The following CDHR5 variants were observed in gnomAD, a reference collection of about 807,000 sequenced individuals.
The protein encoded by CDHR5 is cadherin-related family member 5.
In CDHR5, 82 loss-of-function variants were observed where a neutral mutation model predicts 69.5. The observed-to-expected ratio is 1.18, with a 90% CI of 0.99 to 1.42. The LOEUF is 1.42. CDHR5 is among the 40% of genes most tolerant of loss of function. The probability of loss-of-function intolerance (pLI) is 0.00; values close to 1 mark genes in which losing one functional copy is unlikely to be tolerated. For synonymous variants in CDHR5, 601 were observed against 510.2 expected, an observed-to-expected ratio of 1.18 and a Z score of -2.40; for missense variants, 1,293 against 1,168.9, an observed-to-expected ratio of 1.11 and a Z score of -1.55.
At position 617,763 on chromosome 11, in the gene CDHR5, TG is replaced by T; in HGVS notation, c.2125del (p.Gln709SerfsTer66). 1 of 1,454,566 alleles carries T rather than the reference TG, an allele frequency of 6.9e-7. No individual in the cohort carries two copies. Among genetic ancestry groups the T allele is most frequent in the Admixed American group, 2.7e-5 (1 of 36,656 alleles). The allele number at this position is 1,454,566 out of a possible 1,614,324, so 90.1% of individuals were successfully genotyped here. On this transcript the variant is annotated frameshift_variant, in exon 15 of 15. Transcript: ENST00000397542. LOFTEE classifies it low-confidence loss of function (END_TRUNC). ...CGCCTGGTTGTCAAAGCCTTGGGGC[TG>T]GGGCTCCTGCAGGCGGGAGTCGAGG... The part of the protein sequence containing the change: ...KCCCGKAPEP[Q>X]PQGFDNQAFL...
chr11:619,845 G>A lies in CDHR5; in HGVS notation c.1015C>T (p.Gln339Ter). The change falls in exon 10 of 15, where the codon CAG (glutamine) becomes TAG (stop). Residue 339 changes from glutamine to a stop codon, truncating the protein, a stop_gained. Coordinates refer to ENST00000397542, the MANE Select transcript of CDHR5 (RefSeq NM_021924.5). LOFTEE classifies it high-confidence loss of function. ...QADLARYSVT[Q>*]VTVEAVAAAG... Reference sequence around the variant, plus strand: ...GCAGCCACAGCCTCCACGGTGACCTGGGTCACTGAGTAGCGGGCAAGGTCG... The same window carrying A: ...GCAGCCACAGCCTCCACGGTGACCTAGGTCACTGAGTAGCGGGCAAGGTCG... 1 of 1,563,438 alleles carries A rather than the reference G, an allele frequency of 6.4e-7. No individual in the cohort carries two copies. Among genetic ancestry groups the A allele is most frequent in the Non-Finnish European group, 8.6e-7 (1 of 1,158,544 alleles).
Position 619,170 on chromosome 11 carries a change from T to G in CDHR5, c.1389A>C (p.Pro463=), listed in dbSNP as rs1366085528. ...EQEPPSTDVP[P]SPEAGGTTGP... is the part of the protein sequence containing the mutation. ...CAGTTGTTCCTCCAGCCTCTGGGGATGGGGGGACATCTGGGGGCCGGGAAC... is the reference window on the plus strand; with the variant it reads ...CAGTTGTTCCTCCAGCCTCTGGGGAGGGGGGGACATCTGGGGGCCGGGAAC... The change falls in exon 13 of 15, where the codon CCA becomes CCC. Residue 463 remains proline, a synonymous_variant. Transcript: ENST00000397542. 2.6e-6 allele frequency: 4 copies of G among 1,543,086 alleles called. No individual in the cohort carries two copies. The African/African-American group carries it at 5.5e-5, about 21-fold the overall frequency.
At chr11:618,260 A>G (rs1381628438) in intron 13 of CDHR5, 149 bp from the exon 14 acceptor site, 8 of 730,688 alleles carry the variant, frequency 1.1e-5, no homozygotes, top group African/African-American at 1.8e-5. Flanking sequence ...CCCTGGCTCA[A>G]GGGGCCTGTG....
In CDHR5 at chr11:621,907, G is replaced by C; in HGVS notation, c.313-3C>G. On this transcript the variant is annotated splice_polypyrimidine_tract_variant and splice_region_variant and intron_variant, in intron 3 of 14. Transcript: ENST00000397542. The surrounding 1 kb of genome is among the most constrained non-coding windows in gnomAD (Gnocchi z 4.4). The stretch of plus-strand genomic sequence containing the variant: ...ACGAACACCCTTAGCTGGGTCACCT[G>C]CAGGATGTGGCCGTCAGCCTCTCCC... The C allele has an allele frequency of 5.6e-6, 9 of 1,610,168 alleles. No individual in the cohort carries two copies. The highest frequency in any genetic ancestry group is 7.6e-6 in the Non-Finnish European group (9 of 1,177,626).
Position 624,771 on chromosome 11 carries a change from C to G in CDHR5, c.86-39G>C. 6.2e-7 allele frequency: 1 copy of G among 1,604,178 alleles called. No individual in the cohort carries two copies. Among genetic ancestry groups the G allele is most frequent in the Non-Finnish European group, 8.5e-7 (1 of 1,173,888 alleles). ...GAGGAGGGATCAGTGCCTCCCAGCC[C>G]CTGGCTCCCCGCCGCCCGTGCCCCA... On this transcript the variant is annotated intron_variant, in intron 1 of 14. Coordinates refer to ENST00000397542, the MANE Select transcript of CDHR5 (RefSeq NM_021924.5). The surrounding 1 kb of genome is among the most constrained non-coding windows in gnomAD (Gnocchi z 5.3).
Position 617,402 on chromosome 11 carries a change from C to G in CDHR5, c.2487G>C (p.Gly829=). 2 of 1,609,918 alleles carry G rather than the reference C, an allele frequency of 1.2e-6. No homozygotes were observed. The highest frequency in any genetic ancestry group is 1.7e-6 in the Non-Finnish European group (2 of 1,178,494). Residue 829 remains glycine (G), a synonymous_variant, in exon 15 of 15, where the codon GGG becomes GGC. Coordinates refer to ENST00000397542, the MANE Select transcript of CDHR5 (RefSeq NM_021924.5). ...SGSGDEGEGA[G]RGGGPYDAPG... ...GCGCATCGTAGGGACCCCCACCCCT[C>G]CCCGCGCCCTCGCCCTCATCGCCGC...
Position 617,578 on chromosome 11 carries a change from G to A in CDHR5, c.2311C>T (p.Pro771Ser). ...PPAAARAGGS[P>S]TAVRSILTKE... ...GTCAGGATGGACCTCACCGCCGTGG[G>A]GCTTCCGCCAGCTCGGGCCGCTGCG... Residue 771 changes from proline to serine, a missense_variant, in exon 15 of 15, where the codon CCC (proline) becomes TCC (serine). Physicochemically the swap from Pro to Ser is moderately conservative, Grantham distance 74. Transcript: ENST00000397542. The A allele has an allele frequency of 6.2e-7, 1 of 1,611,392 alleles. No individual in the cohort carries two copies. The highest frequency in any genetic ancestry group is 1.1e-5 in the South Asian group (1 of 91,024).
At chr11:620,982 G>C in intron 7 of CDHR5, 98 bp downstream of exon 7, 1 of 682,254 alleles carries the variant, frequency 1.5e-6, no homozygotes, top group Non-Finnish European at 2.2e-6. Flanking sequence ...CCCACCCCCT[G>C]ACCCCGACCC....
rs202090646 is a variant in CDHR5, at chr11:618,120, G to A, written c.1961-9C>T. On this transcript the variant is annotated splice_polypyrimidine_tract_variant and intron_variant, in intron 13 of 14. Transcript: ENST00000397542. ...CTCCGAGGGGCCGCCACCTGGCATCGCAGTGGAAAACGTCATCATCCCCGC... is the reference window on the plus strand; with the variant it reads ...CTCCGAGGGGCCGCCACCTGGCATCACAGTGGAAAACGTCATCATCCCCGC... 296 of 1,602,378 alleles carry A rather than the reference G, an allele frequency of 1.8e-4. No individual in the cohort carries two copies. In the East Asian group the frequency reaches 2.3e-3, roughly 12 times the overall value.
intron 7 of CDHR5, 45 bp from the exon 8 acceptor site, chr11:620,431 G>T: frequency 7.3e-7 from 1 of 1,365,792 alleles, no homozygotes; most frequent in Non-Finnish European, 1.0e-6. Flanking sequence ...GGCTGGGGTG[G>T]ATGGCCCCAG....
chr11:624,300 C>A lies in CDHR5; in HGVS notation c.262-37G>T. The A allele has an allele frequency of 1.3e-6, 1 of 747,816 alleles. No homozygotes were observed. 46.3% of individuals were successfully genotyped at this position (747,816 alleles called of 1,614,324 possible). On this transcript the variant is annotated intron_variant, in intron 2 of 14. Coordinates refer to ENST00000397542, the MANE Select transcript of CDHR5 (RefSeq NM_021924.5). This position sits in a 1 kb window ranked among gnomAD's most constrained non-coding sequence, Gnocchi z 5.3. The stretch of plus-strand genomic sequence containing the variant: ...GACAGGTCTGCAGTCACCGTCCTGC[C>A]CCACAGGTGGGGAGACTGAGGCCAA...
At position 621,079 on chromosome 11, in the gene CDHR5, C is replaced by T. The variant is rs1047579023; in HGVS notation, c.789+1G>A. ...GTGCACTGCCCCTCCCTCCCCATTA[C>T]CAGTATGTGCCCCGTGGGGACAGCC... On this transcript the variant is annotated splice_donor_variant, in intron 7 of 14. Transcript: ENST00000397542. LOFTEE classifies it high-confidence loss of function. This position sits in a 1 kb window ranked among gnomAD's most constrained non-coding sequence, Gnocchi z 4.4. 6 of 1,487,688 alleles carry T rather than the reference C, an allele frequency of 4.0e-6. No homozygotes were observed. The highest frequency in any genetic ancestry group is 5.4e-6 in the Non-Finnish European group (6 of 1,111,690). The allele number at this position is 1,487,688 out of a possible 1,614,324, so 92.2% of individuals were successfully genotyped here.
At chr11:617,899 C>T in intron 14 of CDHR5, 55 bp downstream of exon 14, 5 of 1,577,586 alleles carry the variant, frequency 3.2e-6, no homozygotes, top group East Asian at 2.3e-5. Flanking sequence ...TCTCCTGTCC[C>T]CCGTCCCCCA....
Position 619,543 on chromosome 11 carries a change from G to T in CDHR5, c.1224C>A (p.His408Gln). Residue 408 changes from histidine (H) to glutamine (Q), a missense_variant, in exon 11 of 15, where the codon CAC becomes CAA. Coordinates refer to ENST00000397542, the MANE Select transcript of CDHR5 (RefSeq NM_021924.5). ...GCACAACCTCTCCCTCCATCCGGAA[G>T]TGTGAGTGGTTGGTAATTCGATATG... ...AITYRITNHS[H>Q]FRMEGEVVLT... is the part of the protein sequence containing the mutation. The T allele has an allele frequency of 2.5e-6, 4 of 1,614,004 alleles. No homozygotes were observed. The highest frequency in any genetic ancestry group is 3.4e-6 in the Non-Finnish European group (4 of 1,179,948).
At chr11:623,490 T>C (rs952630146) in intron 3 of CDHR5, among the ~76,000 whole-genome samples, 6 of 151,972 alleles carry the variant, frequency 3.9e-5, no homozygotes, top group Non-Finnish European at 8.8e-5. Flanking sequence ...AAGCAGGATG[T>C]TGGGGGAGCG....
rs1466023251 is a variant in CDHR5, at chr11:616,785, C to T, written c.*566G>A. 6.3e-6 allele frequency: 1 copy of T among 158,972 alleles called. No individual in the cohort carries two copies. Among genetic ancestry groups the T allele is most frequent in the Non-Finnish European group, 1.4e-5 (1 of 70,668 alleles). 9.8% of individuals were successfully genotyped at this position (158,972 alleles called of 1,614,324 possible). A position where few individuals can be genotyped will look rare whatever the true frequency, so the allele number is the denominator to read the frequency against. Reference sequence around the variant, plus strand: ...CACCCACCCCCAGCGCGCCTCAGTCCAGGTCACTGGGCAGGGTGTTTACTG... The same window carrying T: ...CACCCACCCCCAGCGCGCCTCAGTCTAGGTCACTGGGCAGGGTGTTTACTG... On this transcript the variant is annotated 3_prime_UTR_variant, in exon 15 of 15. Coordinates refer to ENST00000397542, the MANE Select transcript of CDHR5 (RefSeq NM_021924.5).
At position 620,149 on chromosome 11, in the gene CDHR5, G is replaced by A. The variant is rs374337777; in HGVS notation, c.896C>T (p.Thr299Ile). The A allele has an allele frequency of 5.6e-6, 9 of 1,613,390 alleles. No individual in the cohort carries two copies. The African/African-American group carries it at 1.2e-4, about 22-fold the overall frequency. Residue 299 changes from threonine to isoleucine, a missense_variant, in exon 9 of 15, where the codon ACA becomes ATA. Coordinates refer to ENST00000397542, the MANE Select transcript of CDHR5 (RefSeq NM_021924.5). ...GCCCGAGTCTGGGTGGATGATGAAT[G>A]TACCATTCACGTTTCCTGGGAGGAT... Reference protein sequence around the residue: ...YSIFRGNVNGTFIIHPDSGNL... With the variant: ...YSIFRGNVNGIFIIHPDSGNL...
In CDHR5 at chr11:621,130, C is replaced by A. The variant is rs560003819; in HGVS notation, c.739G>T (p.Val247Phe). 6.3e-6 allele frequency: 10 copies of A among 1,590,196 alleles called. No individual in the cohort carries two copies. The highest frequency in any genetic ancestry group is 8.6e-6 in the Non-Finnish European group (10 of 1,167,714). Reference sequence around the variant, plus strand: ...CCGTGGTACTGAGCTTGAATGCAGACGTAGCCATCTGAGAAGGTGCAGGGC... The same window carrying A: ...CCGTGGTACTGAGCTTGAATGCAGAAGTAGCCATCTGAGAAGGTGCAGGGC... Reference protein sequence around the residue: ...FLPCTFSDGYVCIQAQYHGAV... With the variant: ...FLPCTFSDGYFCIQAQYHGAV... The change falls in exon 7 of 15, where the codon GTC becomes TTC. Residue 247 changes from valine to phenylalanine, a missense_variant. By Grantham distance (50) the Val-to-Phe change is conservative (BLOSUM62 -1). Transcript: ENST00000397542. The surrounding 1 kb of genome is among the most constrained non-coding windows in gnomAD (Gnocchi z 4.4).
Position 617,704 on chromosome 11 carries a change from C to T in CDHR5, c.2185G>A (p.Val729Ile), listed in dbSNP as rs199786415. 995 of 1,461,308 alleles carry T rather than the reference C, an allele frequency of 6.8e-4. 2 individuals carry two copies. The highest frequency in any genetic ancestry group is 8.2e-4 in the Non-Finnish European group (913 of 1,114,246). 90.5% of individuals were successfully genotyped at this position (1,461,308 alleles called of 1,614,324 possible). ...LPDHKANWAP[V>I]PSPTHDPKPA... ...TTGGGGTCGTGCGTGGGGCTGGGGA[C>T]GGGCGCCCAGTTGGCCTTGTGGTCA... Residue 729 changes from valine (V) to isoleucine (I), a missense_variant, in exon 15 of 15, where the codon GTC (valine) becomes ATC (isoleucine). Coordinates refer to ENST00000397542, the MANE Select transcript of CDHR5 (RefSeq NM_021924.5).
Sources: allele counts gnomAD v4.1 joint callset (sites outside exome capture counted in the v4.1 genomes callset), GRCh38; gene constraint gnomAD v4.1.1; non-coding constraint Gnocchi (gnomAD v3.1); transcripts MANE v1.5; gene names NCBI Gene and HGNC (gene_info 2026-07-23, HGNC 2026-07-21).